RALGAPB: variants seen among roughly 807,000 people sequenced by gnomAD.
RALGAPB encodes the protein Ral GTPase activating protein non-catalytic subunit beta.
RALGAPB carries 25 observed loss-of-function variants against 161.1 expected under a neutral mutation model. That is an observed-to-expected ratio of 0.16 (90% CI 0.11 to 0.22). RALGAPB has a LOEUF of 0.22. Among genes scored for constraint, RALGAPB ranks in the 10% least tolerant of loss-of-function variants. The pLI is 1.00. For synonymous variants in RALGAPB, 629 were observed against 626.1 expected, an observed-to-expected ratio of 1.00 and a Z score of -0.07; for missense variants, 1,391 against 1,815.2, an observed-to-expected ratio of 0.77 and a Z score of 4.25.
At chr20:38,520,524 C>CTTTTTTTTTTTTTTTTTT (rs775371608) in intron 9 of RALGAPB, among the ~76,000 whole-genome samples, 1 of 70,308 alleles carries the variant, frequency 1.4e-5, no homozygotes, top group Non-Finnish European at 2.8e-5. Flanking sequence ...TGTGTTTTGG[C>CTTTTTTTTTTTTTTTTTT]TTTTTTTTTT....
At chr20:38,490,898 G>A (rs2085260395) in intron 2 of RALGAPB, among the ~76,000 whole-genome samples, 1 of 152,194 alleles carries the variant, frequency 6.6e-6, no homozygotes, top group Non-Finnish European at 1.5e-5. Flanking sequence ...ACAGTCCTTG[G>A]CCTCCCAAAG....
At chr20:38,501,904 T>C (rs563353825) in intron 5 of RALGAPB, among the ~76,000 whole-genome samples, 29 of 152,294 alleles carry the variant, frequency 1.9e-4, no homozygotes, top group African/African-American at 6.7e-4. Context: ...AGGTATGTCG[T>C]AGGCATAAAA....
intron 16 of RALGAPB, 48 bp downstream of exon 16, chr20:38,535,255 G>C (rs754451995): frequency 1.3e-6 from 2 of 1,597,738 alleles, no homozygotes; most frequent in South Asian, 2.2e-5. Context: ...TTGGGCCTTG[G>C]CTGTTTTTTC....
intron 1 of RALGAPB, among the ~76,000 whole-genome samples, chr20:38,478,759 G>C (rs1010982489): frequency 6.6e-6 from 1 of 152,112 alleles, no homozygotes; most frequent in Non-Finnish European, 1.5e-5. Context: ...TGGGATTACA[G>C]ACATGCGCCA....
chr20:38,536,101 C>G (rs1163073511), intron 16 of RALGAPB, among the ~76,000 whole-genome samples: 2 of 152,156 alleles, frequency 1.3e-5, no homozygotes, highest in African/African-American at 4.8e-5. Context: ...TTTATCATCC[C>G]TAAAGGAAAC....
At chr20:38,520,169 A>C (rs2075549695) in intron 9 of RALGAPB, 1 of 444,142 alleles carries the variant, frequency 2.3e-6, no homozygotes, top group African/African-American at 2.1e-5. Context: ...GTAAAATTTC[A>C]CCATCTTTAA....
chr20:38,570,124 G>A lies in RALGAPB; in HGVS notation c.4063+128G>A, dbSNP rs1380528899. The A allele has an allele frequency of 6.0e-6, 4 of 664,832 alleles. No homozygotes were observed. In the African/African-American group the frequency reaches 7.2e-5, roughly 12 times the overall value. The allele number at this position is 664,832 out of a possible 1,614,324, so 41.2% of individuals were successfully genotyped here. ...CTAGTCCTGGAGTTCAGCAAGCCTT[G>A]GTTTGTACCCCAGCTCCACTACTCA... On this transcript the variant is annotated intron_variant, in intron 27 of 29. Coordinates refer to ENST00000262879, the MANE Select transcript of RALGAPB (RefSeq NM_020336.4).
intron 23 of RALGAPB, 80 bp from the exon 24 acceptor site, chr20:38,562,451 AC>A (rs2087817163): frequency 2.3e-6 from 3 of 1,280,412 alleles, no homozygotes; most frequent in Admixed American, 2.5e-5. Context: ...AAGCTTCAAA[AC>A]TAACCAATTT....
intron 6 of RALGAPB, among the ~76,000 whole-genome samples, chr20:38,513,585 G>GT (rs1350586837): frequency 6.6e-6 from 1 of 151,042 alleles, no homozygotes; most frequent in African/African-American, 2.4e-5. Flanking sequence ...GGGAGGCAGA[G>GT]TTGCAGTGAG....
intron 20 of RALGAPB, among the ~76,000 whole-genome samples, chr20:38,549,156 G>GC (rs2087273987): frequency 6.6e-6 from 1 of 152,060 alleles, no homozygotes; most frequent in Admixed American, 6.6e-5. Context: ...TGATTTGTCC[G>GC]CAACAGGACT....
chr20:38,575,732 C>T lies in RALGAPB; in HGVS notation c.*765C>T, dbSNP rs2088411193. ...GTTATAAGACAGCAGTGATACCCCA[C>T]TCTCTCCATTATTGTCCAGCGGGGT... On this transcript the variant is annotated 3_prime_UTR_variant, in exon 30 of 30. Transcript: ENST00000262879. 1 of 152,224 alleles carries T rather than the reference C, an allele frequency of 6.6e-6. No individual in the cohort carries two copies. The highest frequency in any genetic ancestry group is 2.1e-4 in the South Asian group (1 of 4,828). 9.4% of individuals were successfully genotyped at this position (152,224 alleles called of 1,614,324 possible). A position where few individuals can be genotyped will look rare whatever the true frequency, so the allele number is the denominator to read the frequency against.
In RALGAPB at chr20:38,574,282, C is replaced by A; in HGVS notation, c.4275C>A (p.Val1425=). The part of the protein sequence containing the change: ...MVIPLVDGMI[V]SRRALGFLVR... ...TCCCTCTTGTGGATGGGATGATTGTCAGCAGGCGAGCTCTTGGTAAGGTCT... is the reference window on the plus strand; with the variant it reads ...TCCCTCTTGTGGATGGGATGATTGTAAGCAGGCGAGCTCTTGGTAAGGTCT... The change falls in exon 29 of 30, where the codon GTC becomes GTA. Residue 1425 remains valine, a synonymous_variant. Transcript: ENST00000262879. 6.2e-7 allele frequency: 1 copy of A among 1,610,894 alleles called. No homozygotes were observed. The highest frequency in any genetic ancestry group is 8.5e-7 in the Non-Finnish European group (1 of 1,178,898).
chr20:38,511,839 G>A (rs1357862382), intron 6 of RALGAPB, among the ~76,000 whole-genome samples: 1 of 152,174 alleles, frequency 6.6e-6, no homozygotes, highest in East Asian at 1.9e-4. Flanking sequence ...TCAATGAGCT[G>A]TTGGGTACAC....
At chr20:38,503,351 G>A (rs950123289) in intron 5 of RALGAPB, among the ~76,000 whole-genome samples, 1 of 152,140 alleles carries the variant, frequency 6.6e-6, no homozygotes, top group Non-Finnish European at 1.5e-5. Flanking sequence ...TGTACATTCT[G>A]TAAGGTTATA....
At position 38,499,441 on chromosome 20, in the gene RALGAPB, G is replaced by C; in HGVS notation, c.554-6G>C. ...GCCAAAGATGTGTTTTCTTTTTGTT[G>C]GTAAGGTGGCATTGCTGAGAATCTA... On this transcript the variant is annotated splice_region_variant and splice_polypyrimidine_tract_variant and intron_variant, in intron 4 of 29. Transcript: ENST00000262879. 6.3e-7 allele frequency: 1 copy of C among 1,577,930 alleles called. No individual in the cohort carries two copies. Among genetic ancestry groups the C allele is most frequent in the Non-Finnish European group, 8.6e-7 (1 of 1,160,672 alleles).
At position 38,497,513 on chromosome 20, in the gene RALGAPB, C is replaced by G. The variant is rs1273060842; in HGVS notation, c.550C>G (p.Gln184Glu). ...CATACTTCTGGCCCCACCAACTGTT[C>G]AAGGTTTGTTTATTTTTTTTTTTCT... ...NDILLAPPTV[Q>E]GGIAENLAEK... The change falls in exon 4 of 30, where the codon CAA becomes GAA. Residue 184 changes from glutamine to glutamate, a missense_variant. By Grantham distance (29) the Gln-to-Glu change is conservative. This residue lies in a region of RALGAPB where 946 missense variants were observed against 1,257.2 expected (regional missense o/e 0.75). Transcript: ENST00000262879. The G allele has an allele frequency of 5.0e-6, 8 of 1,593,676 alleles. 1 individual carries two copies. The Admixed American group carries it at 7.4e-5, about 15-fold the overall frequency.
At chr20:38,570,874 C>T (rs972826636) in intron 28 of RALGAPB, 27 bp downstream of exon 28, 22 of 1,468,366 alleles carry the variant, frequency 1.5e-5, no homozygotes, top group Admixed American at 7.2e-5. Flanking sequence ...TGAAGTTCAT[C>T]AGCGTGTCTT....
intron 17 of RALGAPB, 56 bp from the exon 18 acceptor site, chr20:38,540,985 T>C: frequency 1.3e-6 from 2 of 1,574,480 alleles, no homozygotes; most frequent in Non-Finnish European, 1.7e-6. Flanking sequence ...TGGATTTCCT[T>C]GTCTTCTCAT....
rs969751775 is a variant in RALGAPB, at chr20:38,556,527, G to T, written c.3373-1768G>T. On this transcript the variant is annotated intron_variant, in intron 22 of 29. Transcript: ENST00000262879. ...CATACAAAAAAGTACAAAAATTAAT[G>T]ATTATGTCTATGATATTCAGTTAAA... is the stretch of plus-strand genomic sequence containing the variant. Among the ~76,000 whole-genome samples the T allele has an allele frequency of 2.0e-5, 3 of 152,004 alleles. No individual in the cohort carries two copies. In the South Asian group the frequency reaches 6.2e-4, roughly 31 times the overall value.
Sources: gnomAD v4.1 joint callset for allele counts (sites outside exome capture counted in the v4.1 genomes callset) on GRCh38, gnomAD v4.1.1 for gene constraint, gnomAD v4.1.1 regional missense constraint, MANE v1.5 for transcripts, NCBI Gene and HGNC (gene_info 2026-07-23, HGNC 2026-07-21) for gene names.